ZNF138: variants seen among roughly 807,000 people sequenced by gnomAD.
The protein encoded by ZNF138 is zinc finger protein 138.
A neutral mutation model predicts 33.0 loss-of-function variants in ZNF138; 33 were observed. That is an observed-to-expected ratio of 1.00 (90% CI 0.76 to 1.34). The LOEUF (loss-of-function observed/expected upper bound fraction) is 1.34, where lower values mean the gene tolerates loss of function less well. ZNF138 is among the 40% of genes most tolerant of loss of function. The pLI is 0.00. For synonymous variants in ZNF138, 139 were observed against 120.4 expected, an observed-to-expected ratio of 1.15 and a Z score of -1.01; for missense variants, 360 against 370.8, an observed-to-expected ratio of 0.97 and a Z score of 0.24.
At chr7:64,834,322 C>T (rs752541422), downstream of ZNF138, among the ~76,000 whole-genome samples, 15 of 151,256 alleles carry the variant, frequency 9.9e-5, no homozygotes, top group Non-Finnish European at 2.2e-4. Flanking sequence ...AATAAGGCTA[C>T]GTAAGTATCA....
chr7:64,834,573 T>G (rs1303388476), downstream of ZNF138, among the ~76,000 whole-genome samples: 5 of 152,258 alleles, frequency 3.3e-5, no homozygotes, highest in Non-Finnish European at 7.3e-5. Context: ...AATTACTTCA[T>G]GCTCTTCATT....
chr7:64,816,478 T>C (rs1562906983), intron 3 of ZNF138, among the ~76,000 whole-genome samples: 1 of 152,126 alleles, frequency 6.6e-6, no homozygotes, highest in Non-Finnish European at 1.5e-5. Context: ...CTTTCTCTAT[T>C]TTATCAGATA....
chr7:64,832,625 C>A lies in ZNF138; in HGVS notation c.*423C>A. The A allele has an allele frequency of 2.1e-6, 1 of 476,540 alleles. No homozygotes were observed. The highest frequency in any genetic ancestry group is 4.1e-6 in the Non-Finnish European group (1 of 244,938). The allele number at this position is 476,540 out of a possible 1,614,324, so 29.5% of individuals were successfully genotyped here. On this transcript the variant is annotated 3_prime_UTR_variant, in exon 4 of 4. Transcript: ENST00000307355. ...GCAAAGCTTTTAACCAGTCCTCACA[C>A]CTTATGAGACATAAGAAAATTCATA...
downstream of ZNF138, chr7:64,837,001 G>C (rs540294879): frequency 2.0e-5 from 3 of 152,172 alleles, no homozygotes; most frequent in African/African-American, 7.2e-5. Context: ...ACACCAGTTC[G>C]TCTATATAGG....
chr7:64,839,380 A>G, the ZNF138 span, among the ~76,000 whole-genome samples: 2 of 152,204 alleles, frequency 1.3e-5, no homozygotes. Flanking sequence ...TCTGAGGGAC[A>G]GCAGAAGCGT....
At chr7:64,804,793 T>C (rs1787442101) in intron 1 of ZNF138, among the ~76,000 whole-genome samples, 1 of 151,706 alleles carries the variant, frequency 6.6e-6, no homozygotes, top group African/African-American at 2.4e-5. Context: ...AAGAAAATGT[T>C]CTGGTGAAAA....
At chr7:64,841,739 T>C in the ZNF138 span, among the ~76,000 whole-genome samples, 1 of 152,204 alleles carries the variant, frequency 6.6e-6, no homozygotes. Context: ...CTTCATGCCA[T>C]GTCATTTTAC....
chr7:64,805,061 C>T (rs1480789890), intron 1 of ZNF138, among the ~76,000 whole-genome samples: 2 of 152,168 alleles, frequency 1.3e-5, no homozygotes, highest in Non-Finnish European at 2.9e-5. Flanking sequence ...TATCTGGACT[C>T]ATGCTGAAAA....
At chr7:64,840,505 C>A in the ZNF138 span, among the ~76,000 whole-genome samples, 3 of 151,948 alleles carry the variant, frequency 2.0e-5, no homozygotes, top group East Asian at 5.8e-4. Context: ...TTGATACAGT[C>A]ATATAATTTA....
At chr7:64,815,446 G>T in intron 2 of ZNF138, 130 bp from the exon 3 acceptor site, 8 of 653,656 alleles carry the variant, frequency 1.2e-5, no homozygotes, top group South Asian at 2.8e-5. Flanking sequence ...TAGCATTTTG[G>T]GATTAATTTA....
chr7:64,854,520 C>T, the ZNF138 span, among the ~76,000 whole-genome samples: 6 of 152,184 alleles, frequency 3.9e-5, no homozygotes, highest in Non-Finnish European at 4.4e-5. Context: ...GGATTATAGG[C>T]GTGAGCCATC....
chr7:64,852,649 G>A, the ZNF138 span: 19 of 1,410,400 alleles, frequency 1.3e-5, no homozygotes, highest in African/African-American at 7.1e-5. Context: ...TCACCTCCTC[G>A]TAGGCCAGCT....
intron 2 of ZNF138, 71 bp from the exon 3 acceptor site, chr7:64,815,505 T>G: frequency 7.2e-7 from 1 of 1,384,046 alleles, no homozygotes; most frequent in Non-Finnish European, 1.0e-6. Flanking sequence ...ACTAGGTTGG[T>G]AATTGGAGAA....
chr7:64,827,480 G>A (rs373757681), intron 3 of ZNF138, among the ~76,000 whole-genome samples: 4 of 151,988 alleles, frequency 2.6e-5, no homozygotes, highest in African/African-American at 7.2e-5. Context: ...TCCTGACCTC[G>A]TGATCCATCC....
At chr7:64,799,355 G>C (rs978859459) in intron 1 of ZNF138, among the ~76,000 whole-genome samples, 4 of 151,930 alleles carry the variant, frequency 2.6e-5, no homozygotes, top group African/African-American at 9.7e-5. Context: ...TAGTAAAGAC[G>C]GGGTTTCTCC....
In ZNF138 at chr7:64,798,435, T is replaced by A. The variant is rs1786867915; in HGVS notation, c.3+3864T>A. On this transcript the variant is annotated intron_variant, in intron 1 of 3. Transcript: ENST00000307355. ...CTGAAGAAAAATTCGGCTATTTTTT[T>A]AAATACAAAAAAGAAAATCTTATAC... is the stretch of plus-strand genomic sequence containing the variant. Among the ~76,000 whole-genome samples, 4 of 152,310 alleles carry A rather than the reference T, an allele frequency of 2.6e-5. No homozygotes were observed. The South Asian group carries it at 8.3e-4, about 32-fold the overall frequency.
intron 1 of ZNF138, among the ~76,000 whole-genome samples, chr7:64,806,917 A>G (rs1312352831): frequency 6.6e-6 from 1 of 152,230 alleles, no homozygotes; most frequent in African/African-American, 2.4e-5. Flanking sequence ...GCCATAAGCA[A>G]AATCTCTGCA....
chr7:64,818,360 T>G (rs761599485), intron 3 of ZNF138, among the ~76,000 whole-genome samples: 1 of 152,168 alleles, frequency 6.6e-6, no homozygotes, highest in East Asian at 1.9e-4. Flanking sequence ...TATTTAGCAA[T>G]GTAAGGGTGT....
intron 1 of ZNF138, among the ~76,000 whole-genome samples, chr7:64,804,700 G>A (rs1453665196): frequency 6.6e-6 from 1 of 152,180 alleles, no homozygotes; most frequent in Non-Finnish European, 1.5e-5. Flanking sequence ...AGAATCACAT[G>A]AACTCAGGAG....
Sources: gnomAD v4.1 joint callset for allele counts (sites outside exome capture counted in the v4.1 genomes callset) on GRCh38, gnomAD v4.1.1 for gene constraint, MANE v1.5 for transcripts, NCBI Gene and HGNC (gene_info 2026-07-23, HGNC 2026-07-21) for gene names.